Variants in RBMS3 observed in about 807,000 individuals in gnomAD.
RBMS3 encodes RNA binding motif single stranded interacting protein 3.
Under a neutral mutation model 66.8 loss-of-function variants are expected in RBMS3, and 27 were observed. The ratio of observed to expected loss-of-function variants is 0.40; its 90% CI spans 0.30 to 0.56. The LOEUF is 0.56. Among genes scored for constraint, RBMS3 ranks in the 20% least tolerant of loss-of-function variants. RBMS3 has a pLI of 0.40. For synonymous variants in RBMS3, 188 were observed against 183.0 expected (o/e 1.03, Z -0.22); for missense variants, 513 against 549.5 (o/e 0.93, Z 0.66).
At chr3:29,528,107 G>C (rs1009187027) in intron 3 of RBMS3, among the ~76,000 whole-genome samples, 7 of 127,730 alleles carry the variant, frequency 5.5e-5, no homozygotes, top group Admixed American at 1.6e-4. Flanking sequence ...ATGCAAGCAA[G>C]ATTTTTTTTT....
At chr3:29,784,383 C>G (rs141305467) in intron 6 of RBMS3, among the ~76,000 whole-genome samples, 1 of 152,062 alleles carries the variant, frequency 6.6e-6, no homozygotes, top group African/African-American at 2.4e-5. Context: ...ACAAAAGGAA[C>G]GCTCAAAACC....
Position 29,884,469 on chromosome 3 carries a change from TCCC to T in RBMS3, c.791+267_791+269del, listed in dbSNP as rs56911907. Among the ~76,000 whole-genome samples, 4 of 66,348 alleles carry T rather than the reference TCCC, an allele frequency of 6.0e-5. No homozygotes were observed. The East Asian group carries it at 1.2e-3, about 20-fold the overall frequency. The allele number at this position is 66,348 out of a possible 152,430, so 43.5% of individuals were successfully genotyped here. A position where few individuals can be genotyped will look rare whatever the true frequency, so the allele number is the denominator to read the frequency against. Reference sequence around the variant, plus strand: ...CTCTCTCTCTCTCTCTCTCTCTCTCTCCCCCCCCGCTCCCTCCCTCCCTCCCTC... The same window carrying T: ...CTCTCTCTCTCTCTCTCTCTCTCTCTCCCCCGCTCCCTCCCTCCCTCCCTC... On this transcript the variant is annotated intron_variant, in intron 8 of 14. Transcript: ENST00000383767.
At chr3:29,286,563 AT>A (rs1038886536) in intron 1 of RBMS3, among the ~76,000 whole-genome samples, 2 of 150,460 alleles carry the variant, frequency 1.3e-5, no homozygotes, top group African/African-American at 4.8e-5. Flanking sequence ...TGGAAAAAAA[AT>A]AGCACAAAAT....
intron 12 of RBMS3, among the ~76,000 whole-genome samples, chr3:29,956,845 C>T (rs12630551): frequency 0.15 from 22,573 of 151,996 alleles, 2,043 homozygotes; most frequent in East Asian, 0.24. Flanking sequence ...GGACATAATC[C>T]TCAGTCCTTA....
chr3:29,661,318 T>C (rs1234765536), intron 4 of RBMS3, among the ~76,000 whole-genome samples: 1 of 152,200 alleles, frequency 6.6e-6, no homozygotes, highest in African/African-American at 2.4e-5. Context: ...TGGTTGTGTA[T>C]AGAATCTCTT....
At chr3:29,802,200 T>G (rs55716602) in intron 6 of RBMS3, among the ~76,000 whole-genome samples, 3,278 of 152,254 alleles carry the variant, frequency 0.022, 100 homozygotes, top group African/African-American at 0.061. Flanking sequence ...GAATATCAGA[T>G]TAAGGATCAG....
At chr3:29,786,548 C>A (rs1346240905) in intron 6 of RBMS3, among the ~76,000 whole-genome samples, 2 of 152,046 alleles carry the variant, frequency 1.3e-5, no homozygotes, top group Non-Finnish European at 2.9e-5. Flanking sequence ...CAAATACTTA[C>A]AACCAACTGA....
intron 3 of RBMS3, among the ~76,000 whole-genome samples, chr3:29,501,508 G>A (rs1050932960): frequency 2.6e-5 from 4 of 152,190 alleles, no homozygotes; most frequent in African/African-American, 9.6e-5. Context: ...ATCCGACGCT[G>A]TTGCAAGCCC....
chr3:29,388,859 T>C (rs57968467), intron 1 of RBMS3, among the ~76,000 whole-genome samples: 13,032 of 152,188 alleles, frequency 0.086, 997 homozygotes, highest in East Asian at 0.37. Context: ...TCACTGCGCC[T>C]GGCCCAAAAT....
chr3:29,607,594 T>C (rs1416669218), intron 4 of RBMS3, among the ~76,000 whole-genome samples: 1 of 152,028 alleles, frequency 6.6e-6, no homozygotes, highest in African/African-American at 2.4e-5. Context: ...ATTCAGACCA[T>C]AGCAGCTGTA....
chr3:29,543,976 T>A (rs897509124), intron 3 of RBMS3, among the ~76,000 whole-genome samples: 1 of 152,160 alleles, frequency 6.6e-6, no homozygotes, highest in Non-Finnish European at 1.5e-5. Context: ...CTGTTCATCA[T>A]CCTATTGATA....
At chr3:29,607,276 T>C (rs1020103147) in intron 4 of RBMS3, among the ~76,000 whole-genome samples, 2 of 151,954 alleles carry the variant, frequency 1.3e-5, no homozygotes, top group African/African-American at 4.8e-5. Flanking sequence ...TAAAATGCCA[T>C]AGACTAGGTA....
intron 3 of RBMS3, among the ~76,000 whole-genome samples, chr3:29,507,232 CA>C (rs2148948424): frequency 6.6e-6 from 1 of 151,714 alleles, no homozygotes; most frequent in East Asian, 1.9e-4. Context: ...TTTCAAGAGT[CA>C]ATAAACTTTC....
At chr3:29,444,788 C>CTTTTTTTTTTTTTTTTGT (rs2041759168) in intron 2 of RBMS3, among the ~76,000 whole-genome samples, 1 of 50,488 alleles carries the variant, frequency 2.0e-5, no homozygotes, top group Non-Finnish European at 3.8e-5. Context: ...AAATATATGC[C>CTTTTTTTTTTTTTTTTGT]TTTTTTTTTT....
intron 4 of RBMS3, among the ~76,000 whole-genome samples, chr3:29,687,598 GATAA>G (rs2051788634): frequency 6.6e-6 from 1 of 152,154 alleles, no homozygotes. Flanking sequence ...AGAAATGAAT[GATAA>G]ATAACTACTG....
At chr3:29,703,553 T>C (rs1389500059) in intron 4 of RBMS3, among the ~76,000 whole-genome samples, 1 of 152,192 alleles carries the variant, frequency 6.6e-6, no homozygotes. Context: ...GCCCAGAGTA[T>C]TTGTACAAGT....
chr3:29,426,127 G>C (rs1299179620), intron 1 of RBMS3, among the ~76,000 whole-genome samples: 4 of 152,106 alleles, frequency 2.6e-5, no homozygotes, highest in Admixed American at 2.6e-4. Flanking sequence ...GTATACACTT[G>C]ACTTTTTAAA....
intron 6 of RBMS3, among the ~76,000 whole-genome samples, chr3:29,865,058 A>C: frequency 7.6e-6 from 1 of 131,700 alleles, no homozygotes; most frequent in African/African-American, 2.8e-5. Flanking sequence ...GGAAGGAAGG[A>C]AGGAAGAGAG....
At chr3:29,828,931 G>C (rs1576929467) in intron 6 of RBMS3, among the ~76,000 whole-genome samples, 1 of 152,146 alleles carries the variant, frequency 6.6e-6, no homozygotes, top group Non-Finnish European at 1.5e-5. Flanking sequence ...AGAAAGAAGG[G>C]TGAAGAAATG....
Sources: gnomAD v4.1 joint callset for allele counts (sites outside exome capture counted in the v4.1 genomes callset) on GRCh38, gnomAD v4.1.1 for gene constraint, MANE v1.5 for transcripts, NCBI Gene and HGNC (gene_info 2026-07-23, HGNC 2026-07-21) for gene names.